The following ADAMTS13 variants were observed in gnomAD, a reference collection of about 807,000 sequenced individuals.
ADAMTS13 encodes the protein ADAM metallopeptidase with thrombospondin type 1 motif 13, also known as A disintegrin and metalloproteinase with thrombospondin motifs 13.
A neutral mutation model predicts 155.1 loss-of-function variants in ADAMTS13; 110 were observed. The observed-to-expected ratio is 0.71, with a 90% CI of 0.61 to 0.83. The LOEUF is 0.83. ADAMTS13 is among the 40% of genes least tolerant of loss of function. ADAMTS13 has a pLI of 0.00. For missense variants in ADAMTS13, 1,707 were observed against 1,891.7 expected (o/e 0.90, Z 1.81); for synonymous variants, 758 against 756.4 (o/e 1.00, Z -0.03).
rs281875335 is a variant in ADAMTS13, at chr9:133,442,403, A to G, written c.1973A>G (p.Tyr658Cys). Residue 658 changes from tyrosine (Y) to cysteine (C), a missense_variant, in exon 17 of 29, where the codon TAC becomes TGC. Tyr to Cys is a radical substitution (Grantham distance 194). Transcript: ENST00000355699. ...PLQEDADIQV[Y>C]RRYGEEYGNL... is the part of the protein sequence containing the mutation. ...CCTGAAGCTCTTTGTCTGCAGGTTT[A>G]CAGGCGGTATGGCGAGGAGTATGGC... The G allele has an allele frequency of 6.2e-7, 1 of 1,613,820 alleles. No homozygotes were observed. Among genetic ancestry groups the G allele is most frequent in the Admixed American group, 1.7e-5 (1 of 60,004 alleles).
chr9:133,415,127 A>T, intron 1 of ADAMTS13: 3 of 770,980 alleles, frequency 3.9e-6, no homozygotes, highest in South Asian at 2.0e-5. Flanking sequence ...CATCTATACA[A>T]TTCCCATCCG....
In ADAMTS13 at chr9:133,445,133, C is replaced by A; in HGVS notation, c.2610+81C>A. The A allele has an allele frequency of 6.8e-7, 1 of 1,467,500 alleles. No homozygotes were observed. The highest frequency in any genetic ancestry group is 1.9e-5 in the Admixed American group (1 of 51,782). 90.9% of individuals were successfully genotyped at this position (1,467,500 alleles called of 1,614,324 possible). On this transcript the variant is annotated intron_variant, in intron 20 of 28. Transcript: ENST00000355699. The surrounding 1 kb of genome is among the most constrained non-coding windows in gnomAD (Gnocchi z 5.0). ...GAGAACGAGGAGCACCCATTGCCAC[C>A]GTCCTCCAGGCCAGAGCAAGAACAC... is the stretch of plus-strand genomic sequence containing the variant.
intron 11 of ADAMTS13, among the ~76,000 whole-genome samples, chr9:133,436,623 A>G (rs1841238092): frequency 2.0e-5 from 3 of 151,990 alleles, no homozygotes; most frequent in African/African-American, 7.3e-5. Flanking sequence ...TGTGTTCTTT[A>G]CGGATTCCCC....
In ADAMTS13 at chr9:133,425,357, C is replaced by T. The variant is rs587684641; in HGVS notation, c.331-172C>T. 6.6e-5 allele frequency among the ~76,000 whole-genome samples: 10 copies of T among 152,318 alleles called. No individual in the cohort carries two copies. Among genetic ancestry groups the T allele is most frequent in the African/African-American group, 1.7e-4 (7 of 41,576 alleles). The stretch of plus-strand genomic sequence containing the variant: ...CATGAGCTGAGGAGCAACAGAGGCA[C>T]GGCTGACTGTGCAGCACATTTTAGG... On this transcript the variant is annotated intron_variant, in intron 3 of 28. Coordinates refer to ENST00000355699, the MANE Select transcript of ADAMTS13 (RefSeq NM_139027.6). This position sits in a 1 kb window ranked among gnomAD's most constrained non-coding sequence, Gnocchi z 4.6.
chr9:133,429,906 A>G (rs1024280917), intron 7 of ADAMTS13, 33 bp from the exon 8 acceptor site: 1 of 1,534,406 alleles, frequency 6.5e-7, no homozygotes, highest in Admixed American at 2.0e-5. Context: ...ACACCCCGGG[A>G]CTGAGCCGGG....
upstream of ADAMTS13, chr9:133,422,335 T>C: frequency 9.1e-7 from 1 of 1,101,594 alleles, no homozygotes; most frequent in South Asian, 1.3e-5. Flanking sequence ...CACTGCCTAA[T>C]CGTCCCGCCC....
chr9:133,456,533 C>T lies in ADAMTS13; in HGVS notation c.3548-10C>T, dbSNP rs28419693. The T allele has an allele frequency of 6.2e-5, 100 of 1,612,500 alleles. 1 individual carries two copies. The East Asian group carries it at 1.5e-3, about 25-fold the overall frequency. Reference sequence around the variant, plus strand: ...GAGTGCTGGACCCTCACTGCCCTGCCGCTTCCTAGGGGACATGTTGCTGCT... The same window carrying T: ...GAGTGCTGGACCCTCACTGCCCTGCTGCTTCCTAGGGGACATGTTGCTGCT... On this transcript the variant is annotated splice_polypyrimidine_tract_variant and intron_variant, in intron 26 of 28. Coordinates refer to ENST00000355699, the MANE Select transcript of ADAMTS13 (RefSeq NM_139027.6). The surrounding 1 kb of genome is among the most constrained non-coding windows in gnomAD (Gnocchi z 4.4).
chr9:133,426,383 G>A, intron 6 of ADAMTS13, 38 bp downstream of exon 6: 1 of 1,598,414 alleles, frequency 6.3e-7, no homozygotes, highest in South Asian at 1.1e-5. Flanking sequence ...GATCTGGCAA[G>A]GAGCTGACCT....
intron 22 of ADAMTS13, among the ~76,000 whole-genome samples, chr9:133,449,538 C>G (rs1320193183): frequency 6.6e-6 from 1 of 152,130 alleles, no homozygotes; most frequent in Non-Finnish European, 1.5e-5. Context: ...CCCACTGTCT[C>G]TGGGATACGA....
At chr9:133,415,081 A>T in intron 1 of ADAMTS13, 1 of 1,285,242 alleles carries the variant, frequency 7.8e-7, no homozygotes, top group Non-Finnish European at 1.1e-6. Flanking sequence ...GAAAAAACTT[A>T]CGTGTGTATG....
At chr9:133,455,808 C>A in intron 25 of ADAMTS13, 1 of 821,528 alleles carries the variant, frequency 1.2e-6, no homozygotes, top group African/African-American at 1.7e-5. Flanking sequence ...AGGTAGGAAC[C>A]CAGCTTGTGA....
At chr9:133,458,242 T>G (rs1842859814) in intron 28 of ADAMTS13, 148 bp downstream of exon 28, 1 of 1,008,788 alleles carries the variant, frequency 9.9e-7, no homozygotes, top group Non-Finnish European at 1.5e-6. Flanking sequence ...CCTCCACATA[T>G]TCACCAAGAA....
intron 28 of ADAMTS13, among the ~76,000 whole-genome samples, chr9:133,458,510 C>G (rs2073937): frequency 1.5e-5 from 2 of 134,800 alleles, no homozygotes; most frequent in Non-Finnish European, 3.1e-5. Flanking sequence ...AAGCCCAGAT[C>G]GCACCACTGC....
chr9:133,450,092 G>A (rs1343425715), intron 23 of ADAMTS13, 127 bp downstream of exon 23: 18 of 1,156,344 alleles, frequency 1.6e-5, no homozygotes, highest in Non-Finnish European at 2.1e-5. Flanking sequence ...GAGTCCAGGA[G>A]TGCAAGTCCA....
chr9:133,426,865 G>A (rs1168209848), intron 6 of ADAMTS13, among the ~76,000 whole-genome samples: 2 of 151,452 alleles, frequency 1.3e-5, no homozygotes, highest in East Asian at 1.9e-4. Flanking sequence ...GGGCAATGAC[G>A]TGATCTCAGC....
In ADAMTS13 at chr9:133,436,829, GCCTGCGAGAAGACCCAGCT is replaced by G; in HGVS notation, c.1310_1328del (p.Ala437GlyfsTer54). Reference sequence around the variant, plus strand: ...CCCTCCTCTGCCTCCTCCTGGCCAGGCCTGCGAGAAGACCCAGCTGGAGTTCATGTCGCAACAGTGCGCC... The same window carrying G: ...CCCTCCTCTGCCTCCTCCTGGCCAGGGGAGTTCATGTCGCAACAGTGCGCC... On this transcript the variant is annotated frameshift_variant and splice_region_variant, in exon 12 of 29. Coordinates refer to ENST00000355699, the MANE Select transcript of ADAMTS13 (RefSeq NM_139027.6). LOFTEE classifies it high-confidence loss of function. 1 of 1,572,250 alleles carries G rather than the reference GCCTGCGAGAAGACCCAGCT, an allele frequency of 6.4e-7. No individual in the cohort carries two copies. The highest frequency in any genetic ancestry group is 8.6e-7 in the Non-Finnish European group (1 of 1,160,140).
Position 133,456,643 on chromosome 9 carries a change from G to T in ADAMTS13, c.3648G>T (p.Arg1216Ser). ...FSSKTNTLVVRQRCGRPGGGV... is the reference protein window; with the variant it reads ...FSSKTNTLVVSQRCGRPGGGV... ...CCAAGACCAACACGCTGGTGGTGAG[G>T]CAGCGCTGCGGGCGGCCAGGAGGTG... The change falls in exon 27 of 29, where the codon AGG (arginine) becomes AGT (serine). Residue 1216 changes from arginine (R) to serine (S), a missense_variant. Physicochemically the swap from Arg to Ser is moderately radical, Grantham distance 110. This residue lies in a region of ADAMTS13 where 961 missense variants were observed against 1,107.9 expected (regional missense o/e 0.87). Transcript: ENST00000355699. This position sits in a 1 kb window ranked among gnomAD's most constrained non-coding sequence, Gnocchi z 4.4. 7 of 1,608,736 alleles carry T rather than the reference G, an allele frequency of 4.4e-6. No individual in the cohort carries two copies. Among genetic ancestry groups the T allele is most frequent in the Non-Finnish European group, 5.9e-6 (7 of 1,177,860 alleles).
chr9:133,442,282 G>A, intron 16 of ADAMTS13, 117 bp from the exon 17 acceptor site: 1 of 1,530,586 alleles, frequency 6.5e-7, no homozygotes, highest in South Asian at 1.1e-5. Flanking sequence ...GTGATTGCTT[G>A]CTGAACGAAA....
intron 23 of ADAMTS13, among the ~76,000 whole-genome samples, chr9:133,451,385 G>A (rs34827769): frequency 0.033 from 4,965 of 152,250 alleles, 106 homozygotes; most frequent in Middle Eastern, 0.054. Context: ...AGCCTCCCAA[G>A]TAGCTGGGAA....
Sources: allele counts gnomAD v4.1 joint callset (sites outside exome capture counted in the v4.1 genomes callset), GRCh38; gene constraint gnomAD v4.1.1; regional missense constraint gnomAD v4.1.1; non-coding constraint Gnocchi (gnomAD v3.1); transcripts MANE v1.5; gene names NCBI Gene and HGNC (gene_info 2026-07-23, HGNC 2026-07-21).